SIRT1: variants seen among roughly 807,000 people sequenced by gnomAD.
SIRT1 encodes the protein NAD-dependent protein deacetylase sirtuin-1.
In SIRT1, 24 loss-of-function variants were observed where a neutral mutation model predicts 67.9. That is an observed-to-expected ratio of 0.35 (90% CI 0.26 to 0.50). The LOEUF is 0.50. Ranked by LOEUF, SIRT1 falls within the 20% of genes least tolerant of loss-of-function variation. SIRT1 has a pLI of 0.98. For synonymous variants in SIRT1, 378 were observed against 350.7 expected (o/e 1.08, Z -0.87); for missense variants, 873 against 937.2 (o/e 0.93, Z 0.89).
At position 67,916,812 on chromosome 10, in the gene SIRT1, AAG is replaced by A. The variant is rs1478484714; in HGVS notation, c.*220_*221del. 9 of 312,402 alleles carry A rather than the reference AAG, an allele frequency of 2.9e-5. No homozygotes were observed. The highest frequency in any genetic ancestry group is 3.0e-5 in the Non-Finnish European group (5 of 166,594). The allele number at this position is 312,402 out of a possible 1,614,324, so 19.4% of individuals were successfully genotyped here. ...TAACTTTTTTTTTTTTAAAAAAAAA[AAG>A]GTACTAAGTATCTTCAATCAGCTGT... On this transcript the variant is annotated 3_prime_UTR_variant, in exon 9 of 9. Coordinates refer to ENST00000212015, the MANE Select transcript of SIRT1 (RefSeq NM_012238.5).
Position 67,916,609 on chromosome 10 carries a change from G to A in SIRT1, c.*16G>A, listed in dbSNP as rs1364293350. 6.3e-7 allele frequency: 1 copy of A among 1,586,148 alleles called. No individual in the cohort carries two copies. The highest frequency in any genetic ancestry group is 1.3e-5 in the African/African-American group (1 of 74,164). On this transcript the variant is annotated 3_prime_UTR_variant, in exon 9 of 9. Coordinates refer to ENST00000212015, the MANE Select transcript of SIRT1 (RefSeq NM_012238.5). ...CAAATCATAGTGTAATAATTGTGCA[G>A]GTACAGGAATTGTTCCACCAGCATT...
In SIRT1 at chr10:67,916,804, A is replaced by T. The variant is rs2394446; in HGVS notation, c.*211A>T. On this transcript the variant is annotated 3_prime_UTR_variant, in exon 9 of 9. Coordinates refer to ENST00000212015, the MANE Select transcript of SIRT1 (RefSeq NM_012238.5). ...CTCAACACTAACTTTTTTTTTTTTA[A>T]AAAAAAAAAGGTACTAAGTATCTTC... The T allele has an allele frequency of 0.052, 14,584 of 281,750 alleles. 1,779 individuals carry two copies. The highest frequency in any genetic ancestry group is 0.32 in the African/African-American group (12,724 of 40,108). 17.5% of individuals were successfully genotyped at this position (281,750 alleles called of 1,614,324 possible). A position where few individuals can be genotyped will look rare whatever the true frequency, so the allele number is the denominator to read the frequency against.
chr10:67,886,810 G>T (rs1333243015), intron 1 of SIRT1, among the ~76,000 whole-genome samples: 1 of 151,480 alleles, frequency 6.6e-6, no homozygotes, highest in Non-Finnish European at 1.5e-5. Context: ...TTTCACGAAC[G>T]CTATTGTTTG....
chr10:67,889,202 T>A, intron 3 of SIRT1, 79 bp downstream of exon 3: 1 of 1,446,428 alleles, frequency 6.9e-7, no homozygotes, highest in Non-Finnish European at 9.2e-7. Flanking sequence ...TTTTCTGGTT[T>A]AGAAGGATTT....
intron 7 of SIRT1, among the ~76,000 whole-genome samples, chr10:67,911,339 G>A (rs113693349): frequency 1.3e-5 from 2 of 152,048 alleles, no homozygotes; most frequent in Non-Finnish European, 2.9e-5. Flanking sequence ...GACCAGAGGC[G>A]CACACCATGC....
intron 5 of SIRT1, 30 bp downstream of exon 5, chr10:67,906,967 A>G (rs201038461): frequency 1.5e-5 from 23 of 1,520,620 alleles, no homozygotes; most frequent in Non-Finnish European, 1.9e-5. Flanking sequence ...GTTTTCTGTA[A>G]TTTATTTTAG....
chr10:67,890,862 C>G (rs555482247), intron 3 of SIRT1, among the ~76,000 whole-genome samples: 1 of 152,076 alleles, frequency 6.6e-6, no homozygotes, highest in South Asian at 2.1e-4. Context: ...CACCCCGTCT[C>G]TACTAAAAAT....
At chr10:67,906,349 C>T in intron 4 of SIRT1, 1 of 1,465,924 alleles carries the variant, frequency 6.8e-7, no homozygotes, top group Non-Finnish European at 9.1e-7. Flanking sequence ...AATGATAAAT[C>T]AAAAAAAAAT....
chr10:67,904,462 T>A (rs149197622), intron 4 of SIRT1, among the ~76,000 whole-genome samples: 3 of 152,202 alleles, frequency 2.0e-5, no homozygotes, highest in Admixed American at 2.0e-4. Flanking sequence ...GAACACTATA[T>A]TTAAATCTAA....
chr10:67,898,269 A>G lies in SIRT1; in HGVS notation c.942+6715A>G, dbSNP rs560456302. On this transcript the variant is annotated intron_variant, in intron 4 of 8. Coordinates refer to ENST00000212015, the MANE Select transcript of SIRT1 (RefSeq NM_012238.5). ...GTGAGACTCTGTCTCAAAAAAAAAA[A>G]AAAAGAAAAGAAAAAAAAAGAAAAG... Among the ~76,000 whole-genome samples, 137 of 151,398 alleles carry G rather than the reference A, an allele frequency of 9.0e-4. 1 individual carries two copies. The highest frequency in any genetic ancestry group is 3.0e-3 in the African/African-American group (125 of 41,368).
At chr10:67,904,433 G>A (rs1842790924) in intron 4 of SIRT1, among the ~76,000 whole-genome samples, 1 of 151,972 alleles carries the variant, frequency 6.6e-6, no homozygotes, top group African/African-American at 2.4e-5. Context: ...CACCACACCT[G>A]TACTACTACT....
chr10:67,915,854 T>C (rs2131895069), intron 8 of SIRT1, among the ~76,000 whole-genome samples: 1 of 152,328 alleles, frequency 6.6e-6, no homozygotes, highest in South Asian at 2.1e-4. Flanking sequence ...TTTTTCACAC[T>C]TCCCTCCTTC....
rs768864413 is a variant in SIRT1 at position 67,916,358 on chromosome 10, C to T, written c.2009C>T (p.Ser670Phe). The change falls in exon 9 of 9, where the codon TCT (serine) becomes TTT (phenylalanine). Residue 670 changes from serine (S) to phenylalanine (F), a missense_variant. This residue lies in a region of SIRT1 where 295 missense variants were observed against 294.5 expected (regional missense o/e 1.00). Transcript: ENST00000212015. ...GAAGATGACGTCTTATCCTCTAGTT[C>T]TTGTGGCAGTAACAGTGATAGTGGG... ...DSEDDVLSSS[S>F]CGSNSDSGTC... 1.2e-6 allele frequency: 2 copies of T among 1,614,164 alleles called. No individual in the cohort carries two copies. The highest frequency in any genetic ancestry group is 2.2e-5 in the East Asian group (1 of 44,882).
Position 67,884,904 on chromosome 10 carries a change from G to GGCGGCGGCCAGGGGCTGCCCGGGT in SIRT1, c.192_215dup (p.Arg65_Ala72dup). On this transcript the variant is annotated inframe_insertion, in exon 1 of 9. Transcript: ENST00000212015. ...GGGCGGCCCCAGAGCGTGAGGTGCC[G>GGCGGCGGCCAGGGGCTGCCCGGGT]GCGGCGGCCAGGGGCTGCCCGGGTG... The GGCGGCGGCCAGGGGCTGCCCGGGT allele has an allele frequency of 8.2e-7, 1 of 1,222,776 alleles. No individual in the cohort carries two copies. The highest frequency in any genetic ancestry group is 1.0e-6 in the Non-Finnish European group (1 of 982,040). 75.7% of individuals were successfully genotyped at this position (1,222,776 alleles called of 1,614,324 possible).
intron 1 of SIRT1, 111 bp downstream of exon 1, chr10:67,885,262 T>C: frequency 8.0e-7 from 1 of 1,248,168 alleles, no homozygotes; most frequent in Non-Finnish European, 1.0e-6. Context: ...TCCGCGGCGT[T>C]CCCCTCCCCA....
chr10:67,895,599 T>G (rs1842641830), intron 4 of SIRT1, among the ~76,000 whole-genome samples: 1 of 151,592 alleles, frequency 6.6e-6, no homozygotes, highest in Admixed American at 6.6e-5. Context: ...ACATTAAAAA[T>G]GAAGCCATGA....
intron 4 of SIRT1, among the ~76,000 whole-genome samples, chr10:67,904,532 T>G (rs1378795110): frequency 6.6e-6 from 1 of 152,156 alleles, no homozygotes; most frequent in Admixed American, 6.6e-5. Context: ...ACTCAAATCA[T>G]TCAGATTCTC....
intron 4 of SIRT1, among the ~76,000 whole-genome samples, chr10:67,897,033 G>A (rs528931050): frequency 1.3e-5 from 2 of 151,678 alleles, no homozygotes; most frequent in South Asian, 2.1e-4. Context: ...GTGCACACCT[G>A]TAATTCCAGC....
chr10:67,889,260 A>C, intron 3 of SIRT1, 137 bp downstream of exon 3: 1 of 947,228 alleles, frequency 1.1e-6, no homozygotes, highest in Non-Finnish European at 1.5e-6. Flanking sequence ...AACTGAGTGC[A>C]GCAGCAGTTG....
Sources: allele counts gnomAD v4.1 joint callset (sites outside exome capture counted in the v4.1 genomes callset), GRCh38; gene constraint gnomAD v4.1.1; regional missense constraint gnomAD v4.1.1; transcripts MANE v1.5; gene names NCBI Gene and HGNC (gene_info 2026-07-23, HGNC 2026-07-21).